The following RIMS2 variants were observed in gnomAD, a reference collection of about 807,000 sequenced individuals.
The protein encoded by RIMS2 is regulating synaptic membrane exocytosis protein 2.
In RIMS2, 59 loss-of-function variants were observed where a neutral mutation model predicts 174.4. The ratio of observed to expected loss-of-function variants is 0.34; its 90% CI spans 0.27 to 0.42. RIMS2 has a LOEUF of 0.42. Among genes scored for constraint, RIMS2 ranks in the 10% least tolerant of loss-of-function variants. The pLI, the probability that RIMS2 is intolerant of heterozygous loss-of-function variation, is 1.00. For missense variants in RIMS2, 1,620 were observed against 1,666.3 expected (o/e 0.97, Z 0.48); for synonymous variants, 606 against 572.5 (o/e 1.06, Z -0.84).
rs554949027 is a variant in RIMS2, at chr8:103,737,175, CTTTTTTTT to C, written c.388-29033_388-29026del. Among the ~76,000 whole-genome samples the C allele has an allele frequency of 8.1e-3, 546 of 67,544 alleles. 2 individuals are homozygous for C. The highest frequency in any genetic ancestry group is 0.032 in the African/African-American group (509 of 16,092). The allele number at this position is 67,544 out of a possible 152,430, so 44.3% of individuals were successfully genotyped here. A position where few individuals can be genotyped will look rare whatever the true frequency, so the allele number is the denominator to read the frequency against. On this transcript the variant is annotated intron_variant, in intron 2 of 23. Coordinates refer to ENST00000504942, the Ensembl canonical transcript of RIMS2. ...TCCTTTTCTTTTCTTTTTCTTTGTT[CTTTTTTTT>C]TTTTTTTTTTTTTTTTTTGAGACAG...
At chr8:103,596,910 A>G (rs1349712807) in intron 1 of RIMS2, among the ~76,000 whole-genome samples, 1 of 152,142 alleles carries the variant, frequency 6.6e-6, no homozygotes, top group Non-Finnish European at 1.5e-5. Flanking sequence ...GAAATAATTT[A>G]TTAGTAAAAC....
chr8:104,076,505 G>C (rs2097295149), intron 19 of RIMS2, among the ~76,000 whole-genome samples: 1 of 152,028 alleles, frequency 6.6e-6, no homozygotes, highest in African/African-American at 2.4e-5. Flanking sequence ...TCTTACAATT[G>C]GTACACAATA....
Position 104,102,916 on chromosome 8 carries a change from G to A in RIMS2, c.3334+88301G>A, listed in dbSNP as rs113915614. ...GCCAAACCATATAACAAGCTCATTA[G>A]GATAATAGCATAAAATATGAGTAGT... is the stretch of plus-strand genomic sequence containing the variant. On this transcript the variant is annotated intron_variant, in intron 19 of 23. Coordinates refer to ENST00000504942, the Ensembl canonical transcript of RIMS2. Among the ~76,000 whole-genome samples, 71 of 152,282 alleles carry A rather than the reference G, an allele frequency of 4.7e-4. 1 individual carries two copies. The highest frequency in any genetic ancestry group is 1.6e-3 in the African/African-American group (67 of 41,558).
intron 19 of RIMS2, among the ~76,000 whole-genome samples, chr8:104,102,453 C>T (rs1035518702): frequency 1.3e-5 from 2 of 152,150 alleles, no homozygotes; most frequent in Middle Eastern, 3.2e-3. Context: ...CCCCATTTCT[C>T]CTTCCATAAC....
chr8:103,918,484 T>A, exon 9 of RIMS2: 1 of 1,601,432 alleles, frequency 6.2e-7, no homozygotes, highest in Non-Finnish European at 8.5e-7. Flanking sequence ...ACAACTGGAG[T>A]CCAGTAAGTT....
chr8:103,822,535 A>G (rs2098758291), intron 3 of RIMS2, among the ~76,000 whole-genome samples: 1 of 151,868 alleles, frequency 6.6e-6, no homozygotes, highest in Non-Finnish European at 1.5e-5. Flanking sequence ...AATATTTTAG[A>G]CTAACTTTTT....
chr8:104,171,648 A>G (rs899248677), intron 19 of RIMS2, among the ~76,000 whole-genome samples: 2 of 151,840 alleles, frequency 1.3e-5, no homozygotes, highest in African/African-American at 4.8e-5. Flanking sequence ...CATTTCAGAG[A>G]TTTCATTTTG....
intron 3 of RIMS2, among the ~76,000 whole-genome samples, chr8:103,786,055 C>T (rs2098440433): frequency 6.6e-6 from 1 of 152,004 alleles, no homozygotes; most frequent in African/African-American, 2.4e-5. Context: ...AGTTTATTTG[C>T]GTAGAGTTGT....
chr8:103,760,218 G>T (rs764943975), intron 2 of RIMS2, among the ~76,000 whole-genome samples: 1 of 152,202 alleles, frequency 6.6e-6, no homozygotes, highest in Non-Finnish European at 1.5e-5. Context: ...CCTCCCAAGA[G>T]ATTTAATGAA....
intron 19 of RIMS2, among the ~76,000 whole-genome samples, chr8:104,024,693 G>GA (rs2096208148): frequency 6.6e-6 from 1 of 151,934 alleles, no homozygotes. Flanking sequence ...GCTCCCAAGG[G>GA]AAAAAATAAT....
intron 19 of RIMS2, among the ~76,000 whole-genome samples, chr8:104,192,380 A>G (rs1447070): frequency 0.3 from 46,330 of 152,082 alleles, 7,540 homozygotes; most frequent in African/African-American, 0.39. Context: ...TCCATTAAAA[A>G]AAAGCATAAC....
At chr8:103,890,105 T>G (rs963145555) in intron 4 of RIMS2, among the ~76,000 whole-genome samples, 7 of 152,000 alleles carry the variant, frequency 4.6e-5, no homozygotes, top group African/African-American at 1.7e-4. Flanking sequence ...AAATCATTTT[T>G]GGATTACTTA....
At chr8:103,658,365 G>A (rs2136010184) in intron 1 of RIMS2, among the ~76,000 whole-genome samples, 1 of 152,292 alleles carries the variant, frequency 6.6e-6, no homozygotes, top group South Asian at 2.1e-4. Flanking sequence ...ATTCTGAGAA[G>A]CCTTTAGTTG....
At chr8:103,801,634 C>T (rs947575871) in intron 3 of RIMS2, among the ~76,000 whole-genome samples, 1 of 152,154 alleles carries the variant, frequency 6.6e-6, no homozygotes, top group African/African-American at 2.4e-5. Flanking sequence ...CTCGTTGTCT[C>T]AGGCTGGACT....
At chr8:104,077,719 G>A (rs1174333726) in intron 19 of RIMS2, among the ~76,000 whole-genome samples, 2 of 143,714 alleles carry the variant, frequency 1.4e-5, no homozygotes, top group Non-Finnish European at 3.1e-5. Flanking sequence ...GTAAGTGTAT[G>A]TGTAAACACA....
intron 19 of RIMS2, among the ~76,000 whole-genome samples, chr8:104,131,557 T>C (rs2098473928): frequency 6.6e-6 from 1 of 152,188 alleles, no homozygotes; most frequent in Non-Finnish European, 1.5e-5. Flanking sequence ...TCACATGATA[T>C]ATGAAAATGA....
chr8:103,715,272 T>G (rs920143288), intron 2 of RIMS2, among the ~76,000 whole-genome samples: 1 of 152,172 alleles, frequency 6.6e-6, no homozygotes, highest in African/African-American at 2.4e-5. Context: ...CACCTAGGTA[T>G]TAAGCCCAGC....
intron 2 of RIMS2, among the ~76,000 whole-genome samples, chr8:103,743,149 C>A (rs2097776626): frequency 6.6e-6 from 1 of 152,202 alleles, no homozygotes; most frequent in Non-Finnish European, 1.5e-5. Context: ...GAAAACTCTG[C>A]ACCTTTAATA....
At chr8:103,731,512 G>A (rs183998809) in intron 2 of RIMS2, among the ~76,000 whole-genome samples, 182 of 152,162 alleles carry the variant, frequency 1.2e-3, no homozygotes, top group African/African-American at 4.1e-3. Flanking sequence ...GAAGTTCTTT[G>A]TTATTATCCC....
Sources: gnomAD v4.1 joint callset for allele counts (sites outside exome capture counted in the v4.1 genomes callset) on GRCh38, gnomAD v4.1.1 for gene constraint, MANE v1.5 for transcripts, NCBI Gene and HGNC (gene_info 2026-07-23, HGNC 2026-07-21) for gene names.